The following ARAP2 variants were observed in gnomAD, a reference collection of about 807,000 sequenced individuals.
ARAP2 encodes the protein arf-GAP with Rho-GAP domain, ANK repeat and PH domain-containing protein 2.
In ARAP2, 148 loss-of-function variants were observed where a neutral mutation model predicts 194.5. That is an observed-to-expected ratio of 0.76 (90% CI 0.67 to 0.87). The LOEUF (loss-of-function observed/expected upper bound fraction) is 0.87, where lower values mean the gene tolerates loss of function less well. Ranked by LOEUF, ARAP2 falls within the 40% of genes least tolerant of loss-of-function variation. The probability of loss-of-function intolerance (pLI) is 0.00; values close to 1 mark genes in which losing one functional copy is unlikely to be tolerated. For missense variants in ARAP2, 2,128 were observed against 1,989.7 expected, an observed-to-expected ratio of 1.07 and a Z score of -1.32; for synonymous variants, 695 against 683.5, an observed-to-expected ratio of 1.02 and a Z score of -0.26.
chr4:36,219,570 C>G (rs929179603), intron 2 of ARAP2, among the ~76,000 whole-genome samples: 2 of 152,072 alleles, frequency 1.3e-5, no homozygotes, highest in Non-Finnish European at 2.9e-5. Context: ...TGGAAATGTT[C>G]TAAATCTTAA....
At chr4:36,011,085 T>C (rs780746574) in intron 9 of ARAP2, among the ~76,000 whole-genome samples, 3 of 152,176 alleles carry the variant, frequency 2.0e-5, no homozygotes, top group Non-Finnish European at 4.4e-5. Flanking sequence ...GATCCAGCAA[T>C]GTCCAAGAAA....
At chr4:36,223,462 T>C (rs1188419793) in intron 2 of ARAP2, among the ~76,000 whole-genome samples, 1 of 152,174 alleles carries the variant, frequency 6.6e-6, no homozygotes, top group Non-Finnish European at 1.5e-5. Flanking sequence ...GAATGTAATA[T>C]GTTTGTAAGG....
chr4:36,039,005 G>A (rs1292340226), intron 5 of ARAP2, among the ~76,000 whole-genome samples: 1 of 152,148 alleles, frequency 6.6e-6, no homozygotes, highest in Non-Finnish European at 1.5e-5. Flanking sequence ...TTGACAAATA[G>A]TCATATTATT....
chr4:36,097,613 G>A (rs1364358606), intron 27 of ARAP2, among the ~76,000 whole-genome samples: 1 of 152,064 alleles, frequency 6.6e-6, no homozygotes, highest in Non-Finnish European at 1.5e-5. Flanking sequence ...TCCCTTGCTA[G>A]TAGGGAAAAC....
intron 5 of ARAP2, among the ~76,000 whole-genome samples, chr4:36,029,636 C>G (rs1033787090): frequency 3.9e-5 from 6 of 152,000 alleles, no homozygotes; most frequent in Non-Finnish European, 7.4e-5. Context: ...TTGTTCTTAA[C>G]TGGGTATAAT....
intron 2 of ARAP2, among the ~76,000 whole-genome samples, chr4:36,055,681 A>G (rs978738947): frequency 6.6e-6 from 1 of 152,026 alleles, no homozygotes; most frequent in Admixed American, 6.6e-5. Context: ...CTCCTACCTC[A>G]ACCTCCCAAG....
At chr4:36,156,932 A>G (rs917225026) in intron 15 of ARAP2, among the ~76,000 whole-genome samples, 17 of 152,208 alleles carry the variant, frequency 1.1e-4, no homozygotes, top group African/African-American at 3.9e-4. Context: ...TTTTAACCAA[A>G]AATCCATTGT....
chr4:36,085,691 G>A (rs1160582257), intron 28 of ARAP2, among the ~76,000 whole-genome samples: 1 of 151,956 alleles, frequency 6.6e-6, no homozygotes, highest in African/African-American at 2.4e-5. Context: ...TATCCTTTGA[G>A]GTGAATTGTC....
chr4:36,123,520 T>C (rs1227551365), intron 22 of ARAP2, among the ~76,000 whole-genome samples: 2 of 151,748 alleles, frequency 1.3e-5, no homozygotes, highest in African/African-American at 4.8e-5. Context: ...TATAATATAG[T>C]GTTTCCTTTT....
intron 20 of ARAP2, 72 bp downstream of exon 20, chr4:36,133,154 G>A: frequency 6.7e-7 from 1 of 1,486,330 alleles, no homozygotes; most frequent in East Asian, 2.3e-5. Flanking sequence ...GTCCAATAGA[G>A]GTACCACTTA....
chr4:36,197,378 T>C (rs1033074944), intron 6 of ARAP2, among the ~76,000 whole-genome samples: 4 of 152,220 alleles, frequency 2.6e-5, no homozygotes, highest in African/African-American at 9.6e-5. Context: ...TTCTATCGTA[T>C]AAATATAGAA....
chr4:36,150,924 T>C lies in ARAP2; in HGVS notation c.2873A>G (p.Lys958Arg), dbSNP rs375575176. 6.2e-7 allele frequency: 1 copy of C among 1,612,850 alleles called. No individual in the cohort carries two copies. ...INEVICLAIH[K>R]EDFYLNTGPI... ...CCCAGTATTTAAATAGAAGTCCTCT[T>C]TGTGTATAGCCAGGCAGATAACTTC... The change falls in exon 16 of 33, where the codon AAA (lysine) becomes AGA (arginine). Residue 958 changes from lysine to arginine, a missense_variant. Lys to Arg is a conservative substitution (Grantham distance 26, BLOSUM62 2). Coordinates refer to ENST00000303965, the MANE Select transcript of ARAP2 (RefSeq NM_015230.4).
At chr4:36,057,632 T>C (rs1368305215) in intron 2 of ARAP2, among the ~76,000 whole-genome samples, 1 of 152,138 alleles carries the variant, frequency 6.6e-6, no homozygotes, top group African/African-American at 2.4e-5. Context: ...AATTATGCTA[T>C]AAAACCCATT....
chr4:36,157,825 CT>C (rs1021737664), intron 15 of ARAP2, among the ~76,000 whole-genome samples: 1 of 151,810 alleles, frequency 6.6e-6, no homozygotes. Flanking sequence ...GGAAATAAAG[CT>C]TTTATATTGA....
intron 1 of ARAP2, among the ~76,000 whole-genome samples, chr4:36,235,015 A>C (rs1424791417): frequency 6.6e-6 from 1 of 152,190 alleles, no homozygotes; most frequent in Non-Finnish European, 1.5e-5. Context: ...TACCTGCTAC[A>C]TGCCCAGCTT....
At chr4:36,192,017 T>A (rs1303389663) in intron 7 of ARAP2, among the ~76,000 whole-genome samples, 1 of 152,038 alleles carries the variant, frequency 6.6e-6, no homozygotes, top group Non-Finnish European at 1.5e-5. Flanking sequence ...ATTTAAACAT[T>A]AAAAGACCCA....
At position 36,179,774 on chromosome 4, in the gene ARAP2, G is replaced by A. The variant is rs188602682; in HGVS notation, c.1679-1769C>T. On this transcript the variant is annotated intron_variant, in intron 8 of 32. Coordinates refer to ENST00000303965, the MANE Select transcript of ARAP2 (RefSeq NM_015230.4). ...CCCAGTGACTTCATTATGGATTGAA[G>A]TAAGTCTCCGTATTACACTTACTCA... Among the ~76,000 whole-genome samples, 28 of 152,292 alleles carry A rather than the reference G, an allele frequency of 1.8e-4. No homozygotes were observed. In the East Asian group the frequency reaches 3.9e-3, roughly 21 times the overall value.
exon 7 of ARAP2, chr4:36,015,949 T>C (rs1341986286): frequency 6.6e-6 from 1 of 152,130 alleles, no homozygotes; most frequent in Non-Finnish European, 1.5e-5. Context: ...TCCGCTTCCA[T>C]GGAAGAACTC....
chr4:36,150,905 A>G lies in ARAP2; in HGVS notation c.2892T>C (p.Asn964=), dbSNP rs1454124874. 2 of 1,611,706 alleles carry G rather than the reference A, an allele frequency of 1.2e-6. No individual in the cohort carries two copies. Among genetic ancestry groups the G allele is most frequent in the Non-Finnish European group, 8.5e-7 (1 of 1,179,146 alleles). ...LAIHKEDFYL[N]TGPIFIFEIY... The stretch of plus-strand genomic sequence containing the variant: ...TTGTGTAATGACAGACCTACCCAGT[A>G]TTTAAATAGAAGTCCTCTTTGTGTA... The change falls in exon 16 of 33, where the codon AAT becomes AAC. Residue 964 remains asparagine, a synonymous_variant. Coordinates refer to ENST00000303965, the MANE Select transcript of ARAP2 (RefSeq NM_015230.4).
Sources: allele counts gnomAD v4.1 joint callset (sites outside exome capture counted in the v4.1 genomes callset), GRCh38; gene constraint gnomAD v4.1.1; transcripts MANE v1.5; gene names NCBI Gene and HGNC (gene_info 2026-07-23, HGNC 2026-07-21).